LGALS9B: variants seen among roughly 807,000 people sequenced by gnomAD.
LGALS9B encodes galectin 9B, also known as galectin-9B.
A neutral mutation model predicts 35.9 loss-of-function variants in LGALS9B; 8 were observed. That is an observed-to-expected ratio of 0.22 (90% confidence interval 0.13 to 0.40). LGALS9B has a LOEUF of 0.40. Among genes scored for constraint, LGALS9B ranks in the 10% least tolerant of loss-of-function variants. LGALS9B has a pLI of 1.00. For synonymous variants in LGALS9B, 42 were observed against 148.6 expected, an observed-to-expected ratio of 0.28 and a Z score of 5.22; for missense variants, 101 against 397.9, an observed-to-expected ratio of 0.25 and a Z score of 6.35.
intron 4 of LGALS9B, among the ~76,000 whole-genome samples, chr17:20,456,111 G>A (rs2042688780): frequency 6.6e-6 from 1 of 151,858 alleles, no homozygotes; most frequent in Admixed American, 6.6e-5. Context: ...TCTGATATCT[G>A]TCTCCTCAAT....
chr17:20,461,825 A>C (rs1425074973), intron 1 of LGALS9B, among the ~76,000 whole-genome samples: 1 of 52,162 alleles, frequency 1.9e-5, no homozygotes, highest in Non-Finnish European at 3.6e-5. Context: ...AAAACTTTCT[A>C]ATTTCTTGGG....
At chr17:20,465,014 A>G (rs2042752079) in intron 1 of LGALS9B, among the ~76,000 whole-genome samples, 1 of 152,226 alleles carries the variant, frequency 6.6e-6, no homozygotes, top group South Asian at 2.1e-4. Flanking sequence ...AGCTCTTTGC[A>G]TGGAACAAAT....
intron 10 of LGALS9B, among the ~76,000 whole-genome samples, chr17:20,451,148 G>T (rs1439671075): frequency 3.3e-5 from 5 of 151,248 alleles, no homozygotes; most frequent in African/African-American, 1.2e-4. Flanking sequence ...CACAAAGCGG[G>T]CGACAGTGAA....
At chr17:20,460,256 T>A in intron 2 of LGALS9B, 96 bp downstream of exon 2, 2 of 1,605,350 alleles carry the variant, frequency 1.2e-6, no homozygotes. Context: ...CACGTGAGCT[T>A]GGATGTTGTT....
chr17:20,466,126 T>C (rs973798475), intron 1 of LGALS9B, among the ~76,000 whole-genome samples: 6 of 152,144 alleles, frequency 3.9e-5, no homozygotes, highest in Non-Finnish European at 7.3e-5. Flanking sequence ...CGGGGTGACA[T>C]GCTCAAGGTG....
At chr17:20,467,124 G>C (rs2042768457) in intron 1 of LGALS9B, among the ~76,000 whole-genome samples, 1 of 143,580 alleles carries the variant, frequency 7.0e-6, no homozygotes, top group African/African-American at 2.7e-5. Context: ...CCAGAAGCAT[G>C]CTTGCTTCCT....
rs556720414 is a variant in LGALS9B, at chr17:20,451,999, A to G, written c.673-116T>C. ...GCTGTCAGCTGAGAAGAAGCCCACG[A>G]TATCTTTACTTGGTTCCATAAAAGC... is the stretch of plus-strand genomic sequence containing the variant. On this transcript the variant is annotated intron_variant, in intron 8 of 10. Coordinates refer to ENST00000423676, the MANE Select transcript of LGALS9B (RefSeq NM_001367292.2). The G allele has an allele frequency of 1.8e-5, 26 of 1,424,986 alleles. No homozygotes were observed. The East Asian group carries it at 3.4e-4, about 19-fold the overall frequency. 88.3% of individuals were successfully genotyped at this position (1,424,986 alleles called of 1,614,324 possible).
chr17:20,452,002 TCTTTA>T, intron 8 of LGALS9B, 119 bp from the exon 9 acceptor site: 1 of 1,422,924 alleles, frequency 7.0e-7, no homozygotes, highest in South Asian at 1.2e-5. Context: ...GCCCACGATA[TCTTTA>T]CTTGGTTCCA....
chr17:20,451,931 G>A lies in LGALS9B; in HGVS notation c.673-48C>T, dbSNP rs752701152. 21 of 1,359,248 alleles carry A rather than the reference G, an allele frequency of 1.5e-5. 6 individuals carry two copies. The highest frequency in any genetic ancestry group is 1.4e-5 in the Non-Finnish European group (14 of 970,624). The allele number at this position is 1,359,248 out of a possible 1,614,324, so 84.2% of individuals were successfully genotyped here. ...TCAGCCAGTGGCAGCCAGGGCAGCC[G>A]CCACATGGAAGGGGAAGATTGTACC... On this transcript the variant is annotated intron_variant, in intron 8 of 10. Coordinates refer to ENST00000423676, the MANE Select transcript of LGALS9B (RefSeq NM_001367292.2).
chr17:20,461,199 C>G (rs892478327), intron 1 of LGALS9B, among the ~76,000 whole-genome samples: 5 of 151,620 alleles, frequency 3.3e-5, no homozygotes, highest in Admixed American at 6.6e-5. Context: ...TGGAGTCAGG[C>G]GGACTCCAGG....
At chr17:20,455,614 C>T (rs950979243) in intron 4 of LGALS9B, among the ~76,000 whole-genome samples, 1 of 136,540 alleles carries the variant, frequency 7.3e-6, no homozygotes, top group African/African-American at 2.5e-5. Flanking sequence ...CCCTTCCACC[C>T]GCAGGGGAGA....
chr17:20,449,801 T>C lies in LGALS9B; in HGVS notation c.*172A>G. On this transcript the variant is annotated 3_prime_UTR_variant, in exon 11 of 11. Coordinates refer to ENST00000423676, the MANE Select transcript of LGALS9B (RefSeq NM_001367292.2). ...GGAAGACAATCCCAGTCAGCTGCCT[T>C]CTCAATTCCAGGGTGGCTGTAGCCA... The C allele has an allele frequency of 2.0e-6, 1 of 500,738 alleles. No homozygotes were observed. The highest frequency in any genetic ancestry group is 3.4e-6 in the Non-Finnish European group (1 of 295,458). The allele number at this position is 500,738 out of a possible 1,614,324, so 31.0% of individuals were successfully genotyped here. A position where few individuals can be genotyped will look rare whatever the true frequency, so the allele number is the denominator to read the frequency against.
intron 5 of LGALS9B, among the ~76,000 whole-genome samples, chr17:20,454,581 G>A (rs1178028443): frequency 6.9e-6 from 1 of 145,190 alleles, no homozygotes; most frequent in South Asian, 2.3e-4. Context: ...TTACAATGGG[G>A]TGCTGTGAAC....
intron 1 of LGALS9B, among the ~76,000 whole-genome samples, chr17:20,460,780 GA>G (rs2042723020): frequency 9.0e-6 from 1 of 110,608 alleles, no homozygotes; most frequent in Non-Finnish European, 2.0e-5. Context: ...TCCAGGCAGG[GA>G]AGTAGCAGGC....
intron 1 of LGALS9B, among the ~76,000 whole-genome samples, chr17:20,461,110 G>A (rs1569002): frequency 0.22 from 30,859 of 137,382 alleles, 4,411 homozygotes; most frequent in Middle Eastern, 0.35. Flanking sequence ...CCCAGGCCCC[G>A]TGGGCAAGCA....
At chr17:20,461,064 C>T (rs544795449) in intron 1 of LGALS9B, among the ~76,000 whole-genome samples, 3 of 98,598 alleles carry the variant, frequency 3.0e-5, no homozygotes, top group East Asian at 2.5e-4. Flanking sequence ...AGATGCCCTC[C>T]GCAGCCCCGA....
chr17:20,467,290 C>G (rs2042769620), intron 1 of LGALS9B, 142 bp downstream of exon 1: 1 of 606,688 alleles, frequency 1.6e-6, no homozygotes, highest in Non-Finnish European at 3.0e-6. Flanking sequence ...AGGACGACCC[C>G]CACTGACATT....
At chr17:20,454,466 G>T (rs1228063738) in intron 5 of LGALS9B, among the ~76,000 whole-genome samples, 2 of 152,302 alleles carry the variant, frequency 1.3e-5, no homozygotes, top group Admixed American at 6.5e-5. Context: ...AGTCCCTAGT[G>T]AGTGCCAGGC....
rs545522380 is a variant in LGALS9B at position 20,467,273 on chromosome 17, C to G, written c.39+159G>C. ...CATGAGTGAGCTCAGCATGGCACAG[C>G]TGTGCCAGGACGACCCCCACTGACA... On this transcript the variant is annotated intron_variant, in intron 1 of 10. Coordinates refer to ENST00000423676, the MANE Select transcript of LGALS9B (RefSeq NM_001367292.2). 8.6e-4 allele frequency among the ~76,000 whole-genome samples: 127 copies of G among 148,132 alleles called. 3 individuals carry two copies. The highest frequency in any genetic ancestry group is 3.5e-3 in the Admixed American group (52 of 14,782).
Sources: allele counts gnomAD v4.1 joint callset (sites outside exome capture counted in the v4.1 genomes callset), GRCh38; gene constraint gnomAD v4.1.1; transcripts MANE v1.5; gene names NCBI Gene and HGNC (gene_info 2026-07-23, HGNC 2026-07-21).